The following QSOX1 variants were observed in gnomAD, a reference collection of about 807,000 sequenced individuals.
QSOX1 encodes the protein quiescin sulfhydryl oxidase 1.
A neutral mutation model predicts 76.1 loss-of-function variants in QSOX1; 40 were observed. That is an observed-to-expected ratio of 0.53 (90% confidence interval 0.41 to 0.68). The LOEUF is 0.68. Ranked by LOEUF, QSOX1 falls within the 30% of genes least tolerant of loss-of-function variation. The pLI, the probability that QSOX1 is intolerant of heterozygous loss-of-function variation, is 0.00. For missense variants in QSOX1, 931 were observed against 974.3 expected (o/e 0.96, Z 0.59); for synonymous variants, 392 against 413.1 (o/e 0.95, Z 0.62).
intron 8 of QSOX1, among the ~76,000 whole-genome samples, chr1:180,188,915 C>T (rs971540343): frequency 6.6e-6 from 1 of 152,206 alleles, no homozygotes; most frequent in Non-Finnish European, 1.5e-5. Flanking sequence ...TCCCTGGAGT[C>T]CTTGTGGTTT....
At chr1:180,160,547 C>T (rs1483386171) in intron 1 of QSOX1, among the ~76,000 whole-genome samples, 1 of 151,956 alleles carries the variant, frequency 6.6e-6, no homozygotes, top group African/African-American at 2.4e-5. Flanking sequence ...CTGGGTTTAG[C>T]GTGACAAATC....
intron 6 of QSOX1, among the ~76,000 whole-genome samples, chr1:180,182,532 C>T (rs1169923404): frequency 6.6e-6 from 1 of 152,154 alleles, no homozygotes; most frequent in Non-Finnish European, 1.5e-5. Flanking sequence ...AGCTCAGAGA[C>T]CTCAAAGGCC....
intron 2 of QSOX1, among the ~76,000 whole-genome samples, chr1:180,167,649 G>T (rs1431883867): frequency 2.0e-5 from 3 of 152,184 alleles, no homozygotes; most frequent in East Asian, 3.9e-4. Context: ...ACACCTAATA[G>T]AAGTCCCTTC....
At chr1:180,191,700 A>G (rs534456709) in intron 10 of QSOX1, among the ~76,000 whole-genome samples, 74 of 152,292 alleles carry the variant, frequency 4.9e-4, no homozygotes, top group Non-Finnish European at 9.7e-4. Context: ...TGCTGTCTGG[A>G]GAGGGGTCTG....
At chr1:180,163,145 A>C (rs1195895392) in intron 1 of QSOX1, among the ~76,000 whole-genome samples, 1 of 151,910 alleles carries the variant, frequency 6.6e-6, no homozygotes, top group East Asian at 1.9e-4. Flanking sequence ...AAAAAAAAAA[A>C]ACACAAAAAC....
In QSOX1 at chr1:180,196,998, A is replaced by G. The variant is rs367984649; in HGVS notation, c.2205A>G (p.Ile735Met). 170 of 1,611,746 alleles carry G rather than the reference A, an allele frequency of 1.1e-4. No individual in the cohort carries two copies. Among genetic ancestry groups the G allele is most frequent in the Non-Finnish European group, 1.4e-4 (160 of 1,178,850 alleles). ...LAMYTYFQAK[I>M]RALKGHAGHP... ...TGTACACCTACTTCCAGGCCAAGATAAGGGCCCTGAAGGGCCATGCTGGCC... is the reference window on the plus strand; with the variant it reads ...TGTACACCTACTTCCAGGCCAAGATGAGGGCCCTGAAGGGCCATGCTGGCC... The change falls in exon 12 of 12, where the codon ATA becomes ATG. Residue 735 changes from isoleucine to methionine, a missense_variant. Physicochemically the swap from Ile to Met is conservative, Grantham distance 10 (BLOSUM62 1). Coordinates refer to ENST00000367602, the MANE Select transcript of QSOX1 (RefSeq NM_002826.5). This position sits in a 1 kb window ranked among gnomAD's most constrained non-coding sequence, Gnocchi z 4.1.
At chr1:180,178,641 T>A (rs1474042027) in intron 4 of QSOX1, among the ~76,000 whole-genome samples, 153 bp from the exon 5 acceptor site, 1 of 152,122 alleles carries the variant, frequency 6.6e-6, no homozygotes, top group African/African-American at 2.4e-5. Flanking sequence ...AGACTAAAGG[T>A]TTGGTTGACT....
In QSOX1 at chr1:180,200,803, C is replaced by T. The variant is rs1663621022; in HGVS notation, c.*3766C>T. 6.6e-6 allele frequency: 1 copy of T among 152,250 alleles called. No homozygotes were observed. Among genetic ancestry groups the T allele is most frequent in the Non-Finnish European group, 1.5e-5 (1 of 68,050 alleles). The allele number at this position is 152,250 out of a possible 1,614,324, so 9.4% of individuals were successfully genotyped here. A position where few individuals can be genotyped will look rare whatever the true frequency, so the allele number is the denominator to read the frequency against. On this transcript the variant is annotated 3_prime_UTR_variant, in exon 12 of 12. Coordinates refer to ENST00000367602, the MANE Select transcript of QSOX1 (RefSeq NM_002826.5). ...GAGCTGCAGTCTCTACCCCTTCTAACACATGTGATTCTGTTTCATGTCCTG... is the reference window on the plus strand; with the variant it reads ...GAGCTGCAGTCTCTACCCCTTCTAATACATGTGATTCTGTTTCATGTCCTG...
intron 1 of QSOX1, among the ~76,000 whole-genome samples, chr1:180,156,618 T>A (rs6686428): frequency 2.6e-5 from 4 of 152,120 alleles, no homozygotes; most frequent in African/African-American, 9.7e-5. Context: ...AAATTATTTT[T>A]AAATGAAACT....
In QSOX1 at chr1:180,179,549, A is replaced by C. The variant is rs553732924; in HGVS notation, c.606+665A>C. 9.8e-5 allele frequency among the ~76,000 whole-genome samples: 15 copies of C among 152,372 alleles called. No homozygotes were observed. In the South Asian group the frequency reaches 3.1e-3, roughly 32 times the overall value. On this transcript the variant is annotated intron_variant, in intron 5 of 11. Coordinates refer to ENST00000367602, the MANE Select transcript of QSOX1 (RefSeq NM_002826.5). Reference sequence around the variant, plus strand: ...GCAGCTGACACATAGTAGGTGCTTTATAAGGATCCATTCCCCTCGCCTAAT... The same window carrying C: ...GCAGCTGACACATAGTAGGTGCTTTCTAAGGATCCATTCCCCTCGCCTAAT...
intron 1 of QSOX1, among the ~76,000 whole-genome samples, chr1:180,155,608 G>A (rs2149227283): frequency 6.6e-6 from 1 of 152,292 alleles, no homozygotes; most frequent in African/African-American, 2.4e-5. Flanking sequence ...AGCTGCTGTG[G>A]GTCAGTGCTG....
chr1:180,155,127 A>T lies in QSOX1; in HGVS notation c.220A>T (p.Ile74Phe), dbSNP rs1231135548. 1 of 1,522,060 alleles carries T rather than the reference A, an allele frequency of 6.6e-7. No individual in the cohort carries two copies. The highest frequency in any genetic ancestry group is 1.2e-5 in the South Asian group (1 of 82,914). The allele number at this position is 1,522,060 out of a possible 1,614,324, so 94.3% of individuals were successfully genotyped here. Reference sequence around the variant, plus strand: ...CTTCGCCTCCTGGTGCGGCCACTGCATCGCCTTCGCCCCGACGTGGAAGGC... The same window carrying T: ...CTTCGCCTCCTGGTGCGGCCACTGCTTCGCCTTCGCCCCGACGTGGAAGGC... ...EFFASWCGHCIAFAPTWKALA... is the reference protein window; with the variant it reads ...EFFASWCGHCFAFAPTWKALA... The change falls in exon 1 of 12, where the codon ATC becomes TTC. Residue 74 changes from isoleucine to phenylalanine, a missense_variant. Physicochemically the swap from Ile to Phe is conservative, Grantham distance 21. Coordinates refer to ENST00000367602, the MANE Select transcript of QSOX1 (RefSeq NM_002826.5).
Position 180,196,416 on chromosome 1 carries a change from C to T in QSOX1, c.1623C>T (p.Ile541=), listed in dbSNP as rs773229360. The change falls in exon 12 of 12, where the codon ATC becomes ATT. Residue 541 remains isoleucine, a synonymous_variant. Coordinates refer to ENST00000367602, the MANE Select transcript of QSOX1 (RefSeq NM_002826.5). This position sits in a 1 kb window ranked among gnomAD's most constrained non-coding sequence, Gnocchi z 4.1. ...LKAHFSPSNI[I]LDFPAAGSAA... is the part of the protein sequence containing the mutation. The stretch of plus-strand genomic sequence containing the variant: ...CCCACTTCTCCCCAAGCAACATCAT[C>T]CTGGACTTCCCTGCAGCTGGGTCAG... The T allele has an allele frequency of 9.9e-6, 16 of 1,614,116 alleles. No individual in the cohort carries two copies. The Admixed American group carries it at 2.0e-4, about 20-fold the overall frequency.
rs777570855 is a variant in QSOX1, at chr1:180,197,286, G to A, written c.*249G>A. 1 of 1,613,556 alleles carries A rather than the reference G, an allele frequency of 6.2e-7. No homozygotes were observed. Among genetic ancestry groups the A allele is most frequent in the Non-Finnish European group, 8.5e-7 (1 of 1,179,950 alleles). ...AGGGCAGCCCCGGGCAGTGGGCATAGGGCAGCTCAGTCCCTGGCCTCTTAG... is the reference window on the plus strand; with the variant it reads ...AGGGCAGCCCCGGGCAGTGGGCATAAGGCAGCTCAGTCCCTGGCCTCTTAG... On this transcript the variant is annotated 3_prime_UTR_variant, in exon 12 of 12. Transcript: ENST00000367602.
Position 180,203,101 on chromosome 1 carries a change from A to T in QSOX1, c.*6064A>T, listed in dbSNP as rs890511508. On this transcript the variant is annotated 3_prime_UTR_variant, in exon 12 of 12. Coordinates refer to ENST00000367602, the MANE Select transcript of QSOX1 (RefSeq NM_002826.5). ...AATAAAAAAATAAAAATAAAAAAATAAAGTAAAGCTACATATTTAAAAGCT... is the reference window on the plus strand; with the variant it reads ...AATAAAAAAATAAAAATAAAAAAATTAAGTAAAGCTACATATTTAAAAGCT... 2.6e-5 allele frequency: 4 copies of T among 151,830 alleles called. No individual in the cohort carries two copies. In the East Asian group the frequency reaches 5.8e-4, roughly 22 times the overall value. The allele number at this position is 151,830 out of a possible 1,614,324, so 9.4% of individuals were successfully genotyped here. A position where few individuals can be genotyped will look rare whatever the true frequency, so the allele number is the denominator to read the frequency against.
rs758279980 is a variant in QSOX1 at position 180,186,023 on chromosome 1, TTCTC to T, written c.888-24_888-21del. 6 of 1,611,508 alleles carry T rather than the reference TTCTC, an allele frequency of 3.7e-6. No homozygotes were observed. The African/African-American group carries it at 6.7e-5, about 18-fold the overall frequency. On this transcript the variant is annotated intron_variant, in intron 7 of 11. Coordinates refer to ENST00000367602, the MANE Select transcript of QSOX1 (RefSeq NM_002826.5). ...CCCCTGCACCATGGTTAATACTTCT[TTCTC>T]TCTCTATCTCCCTCTGGGTCCTCAG...
intron 5 of QSOX1, 116 bp from the exon 6 acceptor site, chr1:180,182,058 A>G (rs1663051002): frequency 3.0e-6 from 3 of 1,009,608 alleles, no homozygotes. Flanking sequence ...GTGGGTTTAG[A>G]GTCTGGAAGG....
chr1:180,199,973 C>T lies in QSOX1; in HGVS notation c.*2936C>T, dbSNP rs10913945. Reference sequence around the variant, plus strand: ...GGGAAGACCCCTGATGCAGCCTGTCCTCTGGGTGTGGGGGTGGAGGAGAGG... The same window carrying T: ...GGGAAGACCCCTGATGCAGCCTGTCTTCTGGGTGTGGGGGTGGAGGAGAGG... On this transcript the variant is annotated 3_prime_UTR_variant, in exon 12 of 12. Transcript: ENST00000367602. The T allele has an allele frequency of 0.058, 8,746 of 151,898 alleles. 365 individuals carry two copies. Among genetic ancestry groups the T allele is most frequent in the East Asian group, 0.21 (1,062 of 5,040 alleles). The allele number at this position is 151,898 out of a possible 1,614,324, so 9.4% of individuals were successfully genotyped here.
chr1:180,198,856 GC>G lies in QSOX1; in HGVS notation c.*1822del, dbSNP rs1374461536. On this transcript the variant is annotated 3_prime_UTR_variant, in exon 12 of 12. Transcript: ENST00000367602. Reference sequence around the variant, plus strand: ...GAAGACAGAGGCTCCCAGGGCCGGTGCCCTGTGTGCCCACTGCACCAAGGCC... The same window carrying G: ...GAAGACAGAGGCTCCCAGGGCCGGTGCCTGTGTGCCCACTGCACCAAGGCC... 1.1e-5 allele frequency: 2 copies of G among 187,514 alleles called. No homozygotes were observed. The highest frequency in any genetic ancestry group is 2.3e-5 in the Non-Finnish European group (2 of 88,198). 11.6% of individuals were successfully genotyped at this position (187,514 alleles called of 1,614,324 possible).
Sources: gnomAD v4.1 joint callset for allele counts (sites outside exome capture counted in the v4.1 genomes callset) on GRCh38, gnomAD v4.1.1 for gene constraint, Gnocchi (gnomAD v3.1) non-coding constraint, MANE v1.5 for transcripts, NCBI Gene and HGNC (gene_info 2026-07-23, HGNC 2026-07-21) for gene names.